The following DDC variants were observed in gnomAD, a reference collection of about 807,000 sequenced individuals.
The protein encoded by DDC is dopa decarboxylase.
Under a neutral mutation model 60.0 loss-of-function variants are expected in DDC, and 43 were observed. The observed-to-expected ratio is 0.72, with a 90% CI of 0.56 to 0.92. The LOEUF (loss-of-function observed/expected upper bound fraction) is 0.92, where lower values mean the gene tolerates loss of function less well. Among genes scored for constraint, DDC ranks in the 40% least tolerant of loss-of-function variants. The pLI is 0.00. For synonymous variants in DDC, 232 were observed against 234.6 expected (o/e 0.99, Z 0.10); for missense variants, 573 against 620.2 (o/e 0.92, Z 0.81).
At chr7:50,463,116 G>C (rs981230865) in intron 14 of DDC, 97 bp downstream of exon 14, 26 of 963,990 alleles carry the variant, frequency 2.7e-5, no homozygotes, top group Admixed American at 1.4e-4. Context: ...GCAGCATTGA[G>C]TGGCCGGGCT....
In DDC at chr7:50,504,948, T is replaced by C. The variant is rs138704593; in HGVS notation, c.715-889A>G. Among the ~76,000 whole-genome samples the C allele has an allele frequency of 4.0e-3, 617 of 152,352 alleles. 5 individuals carry two copies. The highest frequency in any genetic ancestry group is 0.014 in the African/African-American group (575 of 41,590). On this transcript the variant is annotated intron_variant, in intron 6 of 14. Transcript: ENST00000444124. ...TTCTGAATGATACTGTTCCCAAAGA[T>C]TAATTAAATCCTCAGGAGGTCATGA...
rs74599150 is a variant in DDC, at chr7:50,502,712, A to G, written c.781+1281T>C. Among the ~76,000 whole-genome samples the G allele has an allele frequency of 1.8e-4, 27 of 152,218 alleles. No homozygotes were observed. The East Asian group carries it at 4.6e-3, about 26-fold the overall frequency. ...GAGAGCGGGTAAGTCTATGCCACCC[A>G]CCTCCCAGTAGTTCCCAGCACTGCA... On this transcript the variant is annotated intron_variant, in intron 7 of 14. Transcript: ENST00000444124.
chr7:50,469,383 G>C (rs1207797517), intron 12 of DDC, among the ~76,000 whole-genome samples: 2 of 152,052 alleles, frequency 1.3e-5, no homozygotes, highest in African/African-American at 2.4e-5. Flanking sequence ...CCCACTGCAG[G>C]CCGGCACTGC....
chr7:50,473,284 A>G (rs149239288), intron 11 of DDC, among the ~76,000 whole-genome samples: 1 of 152,166 alleles, frequency 6.6e-6, no homozygotes, highest in East Asian at 1.9e-4. Flanking sequence ...TCTGCACACC[A>G]GGGCCCTGAG....
intron 1 of DDC, among the ~76,000 whole-genome samples, chr7:50,550,419 T>A (rs1347610838): frequency 6.6e-6 from 1 of 152,240 alleles, no homozygotes; most frequent in Non-Finnish European, 1.5e-5. Context: ...TGCGACTCCC[T>A]TTATGGTGGT....
chr7:50,558,338 T>C (rs1231820773), intron 1 of DDC, among the ~76,000 whole-genome samples: 2 of 152,202 alleles, frequency 1.3e-5, no homozygotes, highest in East Asian at 3.8e-4. Context: ...GGTACACTCT[T>C]TGGGGAGTCC....
chr7:50,495,222 G>T lies in DDC; in HGVS notation c.944+128C>A, dbSNP rs559437382. ...AGAATTAGCAATAATTCCATCAAGG[G>T]TTCAGAAAAGGCAGCAAGCAGTGAG... On this transcript the variant is annotated intron_variant, in intron 9 of 14. Coordinates refer to ENST00000444124, the MANE Select transcript of DDC (RefSeq NM_001082971.2). 39 of 735,998 alleles carry T rather than the reference G, an allele frequency of 5.3e-5. No homozygotes were observed. In the African/African-American group the frequency reaches 6.4e-4, roughly 12 times the overall value. The allele number at this position is 735,998 out of a possible 1,614,324, so 45.6% of individuals were successfully genotyped here.
intron 1 of DDC, among the ~76,000 whole-genome samples, chr7:50,560,316 C>G (rs896322035): frequency 6.6e-6 from 1 of 152,170 alleles, no homozygotes; most frequent in African/African-American, 2.4e-5. Flanking sequence ...ACCCATGTCA[C>G]CTGCCTGAAT....
chr7:50,459,394 C>A (rs192464796), intron 14 of DDC, among the ~76,000 whole-genome samples: 3,209 of 151,766 alleles, frequency 0.021, 126 homozygotes, highest in African/African-American at 0.071. Flanking sequence ...TTGGGAAGTG[C>A]GGAGCGTCTC....
Position 50,467,124 on chromosome 7 carries a change from G to A in DDC, c.1242+90C>T, listed in dbSNP as rs983984387. On this transcript the variant is annotated intron_variant, in intron 13 of 14. Transcript: ENST00000444124. ...TTGCTCTGCCATCTCTGGAGAGCCAGTGCCAGTGTTTGAGCATGGAGGTAA... is the reference window on the plus strand; with the variant it reads ...TTGCTCTGCCATCTCTGGAGAGCCAATGCCAGTGTTTGAGCATGGAGGTAA... 4.3e-6 allele frequency: 5 copies of A among 1,162,102 alleles called. No homozygotes were observed. The South Asian group carries it at 4.9e-5, about 11-fold the overall frequency. 72.0% of individuals were successfully genotyped at this position (1,162,102 alleles called of 1,614,324 possible). A position where few individuals can be genotyped will look rare whatever the true frequency, so the allele number is the denominator to read the frequency against.
chr7:50,555,927 C>T (rs992924849), intron 1 of DDC, among the ~76,000 whole-genome samples: 1 of 152,178 alleles, frequency 6.6e-6, no homozygotes, highest in African/African-American at 2.4e-5. Context: ...CAGCTGTAGC[C>T]AGATGCATAT....
At chr7:50,481,375 G>A (rs567843727) in intron 9 of DDC, among the ~76,000 whole-genome samples, 7 of 152,196 alleles carry the variant, frequency 4.6e-5, no homozygotes, top group African/African-American at 1.7e-4. Flanking sequence ...GTGGGGGGAG[G>A]TCCTTTGGGT....
intron 6 of DDC, among the ~76,000 whole-genome samples, chr7:50,514,399 G>A (rs188589966): frequency 1.1e-4 from 17 of 152,108 alleles, no homozygotes; most frequent in African/African-American, 3.1e-4. Context: ...AACCAACCCC[G>A]GTAATATGAC....
At chr7:50,460,434 A>T (rs1411397598) in intron 14 of DDC, among the ~76,000 whole-genome samples, 1 of 149,020 alleles carries the variant, frequency 6.7e-6, no homozygotes, top group Non-Finnish European at 1.5e-5. Flanking sequence ...CTGCCCGGCC[A>T]GCCGCCCCGT....
At chr7:50,476,548 G>T in intron 11 of DDC, 76 bp downstream of exon 11, 1 of 1,286,466 alleles carries the variant, frequency 7.8e-7, no homozygotes, top group Non-Finnish European at 1.1e-6. Flanking sequence ...AGTGGGGGAG[G>T]AGATGTGTGA....
At chr7:50,488,984 T>C (rs1287912434) in intron 9 of DDC, among the ~76,000 whole-genome samples, 2 of 151,558 alleles carry the variant, frequency 1.3e-5, no homozygotes, top group African/African-American at 2.4e-5. Context: ...AGATCTAAAC[T>C]GAATGGTTTT....
intron 6 of DDC, among the ~76,000 whole-genome samples, chr7:50,519,530 T>C (rs1276459230): frequency 1.3e-5 from 2 of 152,146 alleles, no homozygotes; most frequent in East Asian, 1.9e-4. Flanking sequence ...GAAACTGTGG[T>C]ATATATACAT....
chr7:50,526,273 G>T lies in DDC; in HGVS notation c.714+1864C>A, dbSNP rs536435989. Among the ~76,000 whole-genome samples the T allele has an allele frequency of 4.6e-5, 7 of 152,186 alleles. No homozygotes were observed. In the South Asian group the frequency reaches 1.5e-3, roughly 32 times the overall value. On this transcript the variant is annotated intron_variant, in intron 6 of 14. Transcript: ENST00000444124. ...ATCTCAACAGAAATCATGGAAGAAA[G>T]AATTCAATGGACTTATACAAAGTAC...
At chr7:50,477,164 C>T (rs753582656) in intron 10 of DDC, among the ~76,000 whole-genome samples, 5 of 152,168 alleles carry the variant, frequency 3.3e-5, no homozygotes, top group African/African-American at 4.8e-5. Flanking sequence ...TCAGTTTTAA[C>T]ATCCAGGAAT....
Sources: gnomAD v4.1 joint callset for allele counts (sites outside exome capture counted in the v4.1 genomes callset) on GRCh38, gnomAD v4.1.1 for gene constraint, MANE v1.5 for transcripts, NCBI Gene and HGNC (gene_info 2026-07-23, HGNC 2026-07-21) for gene names.